Variants in SGCZ observed in about 807,000 individuals in gnomAD.
SGCZ encodes the protein zeta-sarcoglycan.
SGCZ carries 40 observed loss-of-function variants against 41.3 expected under a neutral mutation model. The observed-to-expected ratio is 0.97, with a 90% confidence interval of 0.75 to 1.26. The LOEUF is 1.26. Among genes scored for constraint, SGCZ ranks in the 50% most tolerant of loss-of-function variants. SGCZ has a pLI of 0.00. For synonymous variants in SGCZ, 206 were observed against 137.5 expected (o/e 1.50, Z -3.49); for missense variants, 552 against 369.8 (o/e 1.49, Z -4.04).
intron 4 of SGCZ, among the ~76,000 whole-genome samples, chr8:14,219,745 C>CAA (rs36172805): frequency 1.4e-5 from 2 of 145,922 alleles, no homozygotes; most frequent in Non-Finnish European, 1.5e-5. Flanking sequence ...GACTTCGTCT[C>CAA]AAAAAAAAAA....
intron 2 of SGCZ, among the ~76,000 whole-genome samples, chr8:14,329,508 A>G (rs570872112): frequency 2.0e-5 from 3 of 152,272 alleles, no homozygotes; most frequent in Admixed American, 2.0e-4. Context: ...ACACTATGAC[A>G]GTTCAAGATC....
intron 2 of SGCZ, among the ~76,000 whole-genome samples, chr8:14,465,742 C>CTTAA (rs1334761061): frequency 3.3e-5 from 5 of 151,680 alleles, no homozygotes; most frequent in African/African-American, 1.2e-4. Context: ...TTTATATCAG[C>CTTAA]TTAACTTCAA....
chr8:15,064,878 GGC>G (rs1805070369), intron 1 of SGCZ, among the ~76,000 whole-genome samples: 2 of 152,006 alleles, frequency 1.3e-5, no homozygotes, highest in Admixed American at 6.5e-5. Context: ...CCAAACCCCT[GGC>G]GTTTCGGTTG....
chr8:14,162,300 A>G (rs1841906), intron 5 of SGCZ, among the ~76,000 whole-genome samples: 2 of 151,972 alleles, frequency 1.3e-5, no homozygotes, highest in Non-Finnish European at 2.9e-5. Flanking sequence ...CGGAATATGG[A>G]TTAAATAAAT....
intron 4 of SGCZ, among the ~76,000 whole-genome samples, chr8:14,173,101 G>C (rs1332490783): frequency 6.6e-6 from 1 of 151,914 alleles, no homozygotes; most frequent in Non-Finnish European, 1.5e-5. Context: ...ATTCAGTCTA[G>C]AAAGTCTAAA....
In SGCZ at chr8:14,224,388, G is replaced by A. The variant is rs186201497; in HGVS notation, c.424+13204C>T. ...CAGGTACTATGGTGAGTGTGAGCTA[G>A]GGGCAGACATAGAGGGAATATCTCT... On this transcript the variant is annotated intron_variant, in intron 4 of 7. Transcript: ENST00000382080. 9.2e-5 allele frequency among the ~76,000 whole-genome samples: 14 copies of A among 152,262 alleles called. No individual in the cohort carries two copies. In the East Asian group the frequency reaches 2.1e-3, roughly 23 times the overall value.
At chr8:14,575,418 T>C (rs1010398546) in intron 1 of SGCZ, among the ~76,000 whole-genome samples, 3 of 152,142 alleles carry the variant, frequency 2.0e-5, no homozygotes, top group Non-Finnish European at 4.4e-5. Flanking sequence ...ATTAAGAAAA[T>C]AGCTGTTAAA....
chr8:14,954,108 C>A lies in SGCZ; in HGVS notation c.39+283477G>T, dbSNP rs74614577. 5.5e-3 allele frequency among the ~76,000 whole-genome samples: 834 copies of A among 152,280 alleles called. 15 individuals carry two copies. Among genetic ancestry groups the A allele is most frequent in the African/African-American group, 0.019 (802 of 41,578 alleles). ...TTTAGCCTTAAATTCAAAACAATAA[C>A]TTCATTCTATCAGATAGATGCATAA... On this transcript the variant is annotated intron_variant, in intron 1 of 7. Transcript: ENST00000382080.
chr8:15,235,826 T>G lies in SGCZ; in HGVS notation c.39+1759A>C, dbSNP rs73667929. 5.9e-3 allele frequency among the ~76,000 whole-genome samples: 904 copies of G among 152,300 alleles called. 11 individuals are homozygous for G. Among genetic ancestry groups the G allele is most frequent in the African/African-American group, 0.021 (880 of 41,560 alleles). ...CCCTAAAGTTAACCAAAAAATAATC[T>G]GGATACTCCACCTCTGCATAAAACA... On this transcript the variant is annotated intron_variant, in intron 1 of 7. Transcript: ENST00000382080.
chr8:14,570,445 G>T (rs1023023881), intron 1 of SGCZ, among the ~76,000 whole-genome samples: 12 of 151,966 alleles, frequency 7.9e-5, no homozygotes, highest in Admixed American at 2.6e-4. Flanking sequence ...CTTTCTGAGT[G>T]GTTTATTTAT....
intron 1 of SGCZ, among the ~76,000 whole-genome samples, chr8:14,873,029 A>G (rs1420367646): frequency 2.0e-5 from 3 of 152,174 alleles, no homozygotes; most frequent in Non-Finnish European, 2.9e-5. Flanking sequence ...CAGAGAGTCA[A>G]GCAGATCCAA....
At chr8:14,534,017 C>A (rs13279780) in intron 2 of SGCZ, among the ~76,000 whole-genome samples, 19,453 of 151,754 alleles carry the variant, frequency 0.13, 1,485 homozygotes, top group South Asian at 0.2. Context: ...ATGTGCTCAA[C>A]AAAGGGCAAA....
chr8:14,694,683 G>A (rs1808901549), intron 1 of SGCZ, among the ~76,000 whole-genome samples: 1 of 152,032 alleles, frequency 6.6e-6, no homozygotes, highest in African/African-American at 2.4e-5. Context: ...TACATTTCAG[G>A]CAAGTAAAGA....
chr8:14,361,512 T>C (rs753205897), intron 2 of SGCZ, among the ~76,000 whole-genome samples: 1 of 152,242 alleles, frequency 6.6e-6, no homozygotes, highest in Non-Finnish European at 1.5e-5. Context: ...GTTCTCATAC[T>C]GTGGTTTTCA....
chr8:14,139,676 C>G (rs1803307525), intron 5 of SGCZ, among the ~76,000 whole-genome samples: 1 of 152,126 alleles, frequency 6.6e-6, no homozygotes, highest in Non-Finnish European at 1.5e-5. Flanking sequence ...AAAACAGCCT[C>G]TGAAATTGAG....
intron 1 of SGCZ, among the ~76,000 whole-genome samples, chr8:15,203,767 C>T (rs1279547161): frequency 6.6e-6 from 1 of 152,134 alleles, no homozygotes; most frequent in African/African-American, 2.4e-5. Context: ...AGATCAATAA[C>T]CTCCTTGTCC....
intron 2 of SGCZ, among the ~76,000 whole-genome samples, chr8:14,446,874 A>G (rs1047883490): frequency 1.3e-5 from 2 of 152,210 alleles, no homozygotes; most frequent in African/African-American, 2.4e-5. Flanking sequence ...AAAGATCACG[A>G]GGAGATTATA....
intron 2 of SGCZ, among the ~76,000 whole-genome samples, chr8:14,469,267 T>G (rs1461872): frequency 6.6e-6 from 1 of 152,134 alleles, no homozygotes; most frequent in African/African-American, 2.4e-5. Flanking sequence ...TTGGGCTGGA[T>G]AATTCTTTGT....
chr8:14,855,990 C>T (rs1001041132), intron 1 of SGCZ, among the ~76,000 whole-genome samples: 6 of 152,106 alleles, frequency 3.9e-5, no homozygotes, highest in African/African-American at 9.7e-5. Flanking sequence ...ATATAGTTAC[C>T]GACAATTCAA....
Sources: allele counts gnomAD v4.1 joint callset (sites outside exome capture counted in the v4.1 genomes callset), GRCh38; gene constraint gnomAD v4.1.1; transcripts MANE v1.5; gene names NCBI Gene and HGNC (gene_info 2026-07-23, HGNC 2026-07-21).